MAF: variants seen among roughly 807,000 people sequenced by gnomAD.
MAF encodes transcription factor Maf.
In MAF, 10 loss-of-function variants were observed where a neutral mutation model predicts 22.0. The ratio of observed to expected loss-of-function variants is 0.45; its 90% confidence interval spans 0.28 to 0.77. The LOEUF is 0.77. Ranked by LOEUF, MAF falls within the 30% of genes least tolerant of loss-of-function variation. MAF has a pLI of 0.12. For missense variants in MAF, 544 were observed against 548.4 expected (o/e 0.99, Z 0.08); for synonymous variants, 337 against 255.8 (o/e 1.32, Z -3.03).
At chr16:79,467,645 A>G in the MAF span, among the ~76,000 whole-genome samples, 2 of 152,114 alleles carry the variant, frequency 1.3e-5, no homozygotes, top group Non-Finnish European at 2.9e-5. Flanking sequence ...GGGCCTTGAT[A>G]GAAATGCAGA....
At chr16:79,417,402 C>G in the MAF span, among the ~76,000 whole-genome samples, 3 of 152,206 alleles carry the variant, frequency 2.0e-5, no homozygotes, top group Admixed American at 6.5e-5. Flanking sequence ...GTATCTATCC[C>G]CATTCTATTT....
At chr16:79,572,394 C>T in the MAF span, among the ~76,000 whole-genome samples, 1 of 152,128 alleles carries the variant, frequency 6.6e-6, no homozygotes, top group East Asian at 1.9e-4. Context: ...TTGGCTGTGA[C>T]AATGCAGATG....
chr16:79,406,940 G>A, the MAF span, among the ~76,000 whole-genome samples: 1 of 152,134 alleles, frequency 6.6e-6, no homozygotes, highest in Non-Finnish European at 1.5e-5. Flanking sequence ...CTCCTTGTCT[G>A]ATGCTCTCAG....
chr16:79,546,647 G>A, the MAF span, among the ~76,000 whole-genome samples: 54 of 152,276 alleles, frequency 3.5e-4, no homozygotes, highest in African/African-American at 1.3e-3. Flanking sequence ...TCTCTTATGT[G>A]ATTGCTGTTA....
the MAF span, among the ~76,000 whole-genome samples, chr16:79,350,999 C>T: frequency 6.6e-6 from 1 of 152,174 alleles, no homozygotes; most frequent in African/African-American, 2.4e-5. Context: ...TCACTTGCAG[C>T]TTCCAGGCTT....
At chr16:79,522,878 G>A in the MAF span, among the ~76,000 whole-genome samples, 1 of 152,170 alleles carries the variant, frequency 6.6e-6, no homozygotes, top group African/African-American at 2.4e-5. Flanking sequence ...CCATGCAGTT[G>A]GAGAACTCAC....
the MAF span, among the ~76,000 whole-genome samples, chr16:79,324,063 A>G: frequency 6.6e-6 from 1 of 152,196 alleles, no homozygotes; most frequent in Non-Finnish European, 1.5e-5. Flanking sequence ...CGTGCTTACA[A>G]CAGAGCATGC....
At chr16:79,256,599 G>A in the MAF span, among the ~76,000 whole-genome samples, 1 of 152,136 alleles carries the variant, frequency 6.6e-6, no homozygotes, top group South Asian at 2.1e-4. Context: ...GACGTCCCCA[G>A]CATGAGGTTT....
the MAF span, among the ~76,000 whole-genome samples, chr16:79,494,663 G>T: frequency 6.6e-6 from 1 of 152,148 alleles, no homozygotes; most frequent in Non-Finnish European, 1.5e-5. Flanking sequence ...GACACCAAAT[G>T]TGTAGGAGTT....
chr16:79,414,309 T>A, the MAF span, among the ~76,000 whole-genome samples: 27 of 152,206 alleles, frequency 1.8e-4, no homozygotes, highest in African/African-American at 6.0e-4. Context: ...TCTGCTCAGC[T>A]TCTGGTGAGG....
the MAF span, among the ~76,000 whole-genome samples, chr16:79,361,680 GT>G: frequency 2.0e-5 from 3 of 150,460 alleles, no homozygotes; most frequent in Non-Finnish European, 3.0e-5. Flanking sequence ...CGAAAGATTG[GT>G]TTTTTTTTCT....
chr16:79,598,723 C>T, intron 1 of MAF, 62 bp downstream of exon 1: 1 of 1,608,260 alleles, frequency 6.2e-7, no homozygotes, highest in South Asian at 1.1e-5. Flanking sequence ...AGCCCACACC[C>T]GAGCCGGACC....
At chr16:79,418,277 T>C in the MAF span, among the ~76,000 whole-genome samples, 1 of 152,082 alleles carries the variant, frequency 6.6e-6, no homozygotes, top group Non-Finnish European at 1.5e-5. Context: ...AATAGGCATT[T>C]CTCATTATCT....
downstream of MAF, among the ~76,000 whole-genome samples, chr16:79,590,211 G>A (rs1913110213): frequency 1.3e-5 from 2 of 152,238 alleles, no homozygotes; most frequent in South Asian, 4.2e-4. Flanking sequence ...TTGGCGGAGG[G>A]GGGGATGATG....
At chr16:79,385,711 G>A in the MAF span, among the ~76,000 whole-genome samples, 3 of 152,054 alleles carry the variant, frequency 2.0e-5, no homozygotes, top group Admixed American at 2.0e-4. Context: ...GATGAGCCTG[G>A]CCAACATGGC....
the MAF span, among the ~76,000 whole-genome samples, chr16:79,489,707 A>T: frequency 1.3e-5 from 2 of 152,234 alleles, no homozygotes; most frequent in African/African-American, 4.8e-5. Flanking sequence ...GCAGGGCAGA[A>T]GATGAGGGCA....
the MAF span, among the ~76,000 whole-genome samples, chr16:79,252,481 T>G: frequency 6.6e-6 from 1 of 152,066 alleles, no homozygotes. Flanking sequence ...GTCAGGAGCC[T>G]GGTTTCGATT....
At chr16:79,329,536 C>G in the MAF span, among the ~76,000 whole-genome samples, 1 of 151,662 alleles carries the variant, frequency 6.6e-6, no homozygotes, top group African/African-American at 2.4e-5. Flanking sequence ...CTAGAGTCCC[C>G]CAAAATTAAA....
the MAF span, among the ~76,000 whole-genome samples, chr16:79,333,701 T>C: frequency 6.6e-6 from 1 of 152,232 alleles, no homozygotes; most frequent in Non-Finnish European, 1.5e-5. Flanking sequence ...CTGGATCTAG[T>C]GATATCACCA....
Sources: allele counts gnomAD v4.1 joint callset (sites outside exome capture counted in the v4.1 genomes callset), GRCh38; gene constraint gnomAD v4.1.1; transcripts MANE v1.5; gene names NCBI Gene and HGNC (gene_info 2026-07-23, HGNC 2026-07-21).